Variants in EXOC3L2 observed in about 807,000 individuals in gnomAD.
EXOC3L2 encodes the protein exocyst complex component 3 like 2, also known as exocyst complex component 3-like protein 2.
A neutral mutation model predicts 44.4 loss-of-function variants in EXOC3L2; 17 were observed. The ratio of observed to expected loss-of-function variants is 0.38; its 90% CI spans 0.26 to 0.57. The LOEUF (loss-of-function observed/expected upper bound fraction) is 0.57, where lower values mean the gene tolerates loss of function less well. Ranked by LOEUF, EXOC3L2 falls within the 20% of genes least tolerant of loss-of-function variation. The pLI is 0.65. For synonymous variants in EXOC3L2, 256 were observed against 253.7 expected, an observed-to-expected ratio of 1.01 and a Z score of -0.09; for missense variants, 541 against 588.4, an observed-to-expected ratio of 0.92 and a Z score of 0.83.
At chr19:45,227,879 A>G in intron 6 of EXOC3L2, 95 bp downstream of exon 6, 1 of 1,513,316 alleles carries the variant, frequency 6.6e-7, no homozygotes, top group Non-Finnish European at 9.0e-7. Flanking sequence ...ACCTGTCCTC[A>G]GGTGACTCCC....
intron 2 of EXOC3L2, among the ~76,000 whole-genome samples, chr19:45,236,401 G>A (rs1218324705): frequency 6.8e-6 from 1 of 146,482 alleles, no homozygotes; most frequent in Non-Finnish European, 1.5e-5. Context: ...AGGCGGCGAA[G>A]GCTGCAATGA....
intron 2 of EXOC3L2, among the ~76,000 whole-genome samples, chr19:45,237,494 C>G (rs1362953725): frequency 6.6e-6 from 1 of 151,792 alleles, no homozygotes; most frequent in African/African-American, 2.4e-5. Context: ...AGTGATAGAG[C>G]GAGACCTTGT....
chr19:45,233,401 C>T (rs147792159), intron 3 of EXOC3L2, among the ~76,000 whole-genome samples: 3 of 152,102 alleles, frequency 2.0e-5, no homozygotes, highest in Admixed American at 6.6e-5. Context: ...TACTAATGCC[C>T]TAGGCTCTAA....
intron 7 of EXOC3L2, 84 bp downstream of exon 7, chr19:45,227,578 C>A: frequency 3.3e-6 from 4 of 1,208,376 alleles, no homozygotes; most frequent in Non-Finnish European, 4.7e-6. Flanking sequence ...GTCAGTTCTG[C>A]AATCCCCACC....
chr19:45,231,666 G>A (rs1970033001), intron 4 of EXOC3L2, 97 bp downstream of exon 4: 1 of 1,060,188 alleles, frequency 9.4e-7, no homozygotes, highest in African/African-American at 1.6e-5. Context: ...AAGGGAGTTG[G>A]AAAGAGTGAA....
chr19:45,229,715 C>G (rs909548113), intron 4 of EXOC3L2, among the ~76,000 whole-genome samples: 7 of 149,534 alleles, frequency 4.7e-5, no homozygotes, highest in African/African-American at 1.5e-4. Flanking sequence ...CATGGTGGCG[C>G]ATGCCTGTAA....
At chr19:45,239,216 C>CTTTTTT (rs34721897) in intron 1 of EXOC3L2, among the ~76,000 whole-genome samples, 155 bp from the exon 2 acceptor site, 1 of 122,618 alleles carries the variant, frequency 8.2e-6, no homozygotes, top group Non-Finnish European at 1.6e-5. Flanking sequence ...AAGATGGGGA[C>CTTTTTT]TTTTTTTTTT....
chr19:45,220,137 C>T (rs553769940), intron 8 of EXOC3L2, among the ~76,000 whole-genome samples: 1 of 152,178 alleles, frequency 6.6e-6, no homozygotes, highest in African/African-American at 2.4e-5. Context: ...CAAGCCATTG[C>T]ACTCCAGCCT....
At chr19:45,225,272 CTTT>C (rs1020532502) in intron 7 of EXOC3L2, among the ~76,000 whole-genome samples, 1 of 142,504 alleles carries the variant, frequency 7.0e-6, no homozygotes, top group Non-Finnish European at 1.5e-5. Context: ...GTCTGTGGTT[CTTT>C]TTTTTTTTTT....
At chr19:45,227,856 G>T in intron 6 of EXOC3L2, 84 bp from the exon 7 acceptor site, 1 of 1,506,668 alleles carries the variant, frequency 6.6e-7, no homozygotes. Context: ...CACCATCCCT[G>T]CGGTGGCACT....
chr19:45,218,559 G>A (rs1171332507), intron 8 of EXOC3L2, among the ~76,000 whole-genome samples: 7 of 152,110 alleles, frequency 4.6e-5, no homozygotes, highest in Non-Finnish European at 8.8e-5. Flanking sequence ...GAACCCAGGG[G>A]TTTAGGAAGC....
chr19:45,218,294 C>T lies in EXOC3L2; in HGVS notation c.1745G>A (p.Arg582Gln), dbSNP rs1167649151. The T allele has an allele frequency of 2.1e-5, 33 of 1,607,960 alleles. No homozygotes were observed. The highest frequency in any genetic ancestry group is 2.6e-5 in the Non-Finnish European group (31 of 1,178,028). The change falls in exon 9 of 12, where the codon CGG becomes CAG. Residue 582 changes from arginine to glutamine, a missense_variant. Physicochemically the swap from Arg to Gln is conservative, Grantham distance 43 (BLOSUM62 1). Transcript: ENST00000413988. Reference sequence around the variant, plus strand: ...GGCCTCCGGGCTGCTCAGCCACTTCCGGCGCATCAGCTTGTTGAAGTGTGG... The same window carrying T: ...GGCCTCCGGGCTGCTCAGCCACTTCTGGCGCATCAGCTTGTTGAAGTGTGG... ...LQPHFNKLMR[R>Q]KWLSSPEALD...
intron 1 of EXOC3L2, among the ~76,000 whole-genome samples, chr19:45,244,214 C>G (rs999310098): frequency 6.6e-6 from 1 of 152,146 alleles, no homozygotes; most frequent in African/African-American, 2.4e-5. Context: ...AGCCACCACA[C>G]CCAGCCTTGA....
rs1465321476 is a variant in EXOC3L2, at chr19:45,234,699, G to A, written c.651C>T (p.Gly217=). 2.6e-6 allele frequency: 1 copy of A among 387,516 alleles called. No homozygotes were observed. Among genetic ancestry groups the A allele is most frequent in the Non-Finnish European group, 4.6e-6 (1 of 218,944 alleles). The allele number at this position is 387,516 out of a possible 1,614,324, so 24.0% of individuals were successfully genotyped here. Residue 217 remains glycine, a synonymous_variant, in exon 3 of 12, where the codon GGC becomes GGT. Transcript: ENST00000413988. The surrounding 1 kb of genome is among the most constrained non-coding windows in gnomAD (Gnocchi z 5.0). ...CCCGCGCCCGGCGGCCCCCGCCAGC[G>A]CCCTCGGCCTTGGGAGGCCCAGGCG... The part of the protein sequence containing the change: ...GGAPGPPKAE[G]AGGGRRARDV...
chr19:45,236,861 C>T (rs1430036918), intron 2 of EXOC3L2, among the ~76,000 whole-genome samples: 1 of 151,762 alleles, frequency 6.6e-6, no homozygotes, highest in East Asian at 2.0e-4. Flanking sequence ...TTTAGCCAGG[C>T]ATGGATGGTG....
rs957385712 is a variant in EXOC3L2, at chr19:45,226,747, C to CTTTTTT, written c.1583+909_1583+914dup. On this transcript the variant is annotated intron_variant, in intron 7 of 11. Transcript: ENST00000413988. ...CACTGTGCCCAGCTGACTCCCATCT[C>CTTTTTT]TTTTTTTTTTTTTTTTTTTTTTTGA... Among the ~76,000 whole-genome samples, 181 of 90,656 alleles carry CTTTTTT rather than the reference C, an allele frequency of 2.0e-3. 20 individuals carry two copies. The highest frequency in any genetic ancestry group is 8.6e-3 in the African/African-American group (140 of 16,272). The allele number at this position is 90,656 out of a possible 152,430, so 59.5% of individuals were successfully genotyped here. A position where few individuals can be genotyped will look rare whatever the true frequency, so the allele number is the denominator to read the frequency against.
chr19:45,218,194 C>G lies in EXOC3L2; in HGVS notation c.1842+3G>C, dbSNP rs1969858176. 7.6e-7 allele frequency: 1 copy of G among 1,307,832 alleles called. No individual in the cohort carries two copies. The highest frequency in any genetic ancestry group is 1.0e-6 in the Non-Finnish European group (1 of 993,510). 81.0% of individuals were successfully genotyped at this position (1,307,832 alleles called of 1,614,324 possible). A position where few individuals can be genotyped will look rare whatever the true frequency, so the allele number is the denominator to read the frequency against. On this transcript the variant is annotated splice_donor_region_variant and intron_variant, in intron 9 of 11. Coordinates refer to ENST00000413988, the MANE Select transcript of EXOC3L2 (RefSeq NM_001382422.1). Reference sequence around the variant, plus strand: ...CACCTCCCCTCCCCTCAGGCAGGTGCACCTGGTAAGGCTCGTCCTGCATTC... The same window carrying G: ...CACCTCCCCTCCCCTCAGGCAGGTGGACCTGGTAAGGCTCGTCCTGCATTC...
intron 7 of EXOC3L2, among the ~76,000 whole-genome samples, chr19:45,226,743 A>ATCTC: frequency 1.3e-5 from 1 of 79,832 alleles, no homozygotes; most frequent in African/African-American, 7.0e-5. Context: ...GCTGACTCCC[A>ATCTC]TCTCTTTTTT....
chr19:45,227,746 T>A lies in EXOC3L2; in HGVS notation c.1499A>T (p.His500Leu), dbSNP rs774657220. Reference protein sequence around the residue: ...QSFQQRVERFHENPAVREMLP... With the variant: ...QSFQQRVERFLENPAVREMLP... ...CATCTCCCGGACTGCTGGGTTCTCATGGAATCGCTCCACACGCTGCTGGAA... is the reference window on the plus strand; with the variant it reads ...CATCTCCCGGACTGCTGGGTTCTCAAGGAATCGCTCCACACGCTGCTGGAA... The change falls in exon 7 of 12, where the codon CAT becomes CTT. Residue 500 changes from histidine (H) to leucine (L), a missense_variant. Transcript: ENST00000413988. 6.2e-7 allele frequency: 1 copy of A among 1,612,634 alleles called. No individual in the cohort carries two copies. The highest frequency in any genetic ancestry group is 1.3e-5 in the African/African-American group (1 of 74,880).
Sources: allele counts gnomAD v4.1 joint callset (sites outside exome capture counted in the v4.1 genomes callset), GRCh38; gene constraint gnomAD v4.1.1; non-coding constraint Gnocchi (gnomAD v3.1); transcripts MANE v1.5; gene names NCBI Gene and HGNC (gene_info 2026-07-23, HGNC 2026-07-21).